Variants in UBE2D2 observed in about 807,000 individuals in gnomAD.
UBE2D2 encodes ubiquitin conjugating enzyme E2 D2.
A neutral mutation model predicts 24.2 loss-of-function variants in UBE2D2; 2 were observed. That is an observed-to-expected ratio of 0.08 (90% CI 0.03 to 0.26). The LOEUF (loss-of-function observed/expected upper bound fraction) is 0.26, where lower values mean the gene tolerates loss of function less well. UBE2D2 is among the 10% of genes least tolerant of loss of function. The pLI, the probability that UBE2D2 is intolerant of heterozygous loss-of-function variation, is 1.00. For missense variants in UBE2D2, 44 were observed against 177.6 expected (o/e 0.25, Z 4.28); for synonymous variants, 58 against 56.5 (o/e 1.03, Z -0.12).
chr5:139,562,061 C>A (rs969976575), intron 1 of UBE2D2: 1 of 823,990 alleles, frequency 1.2e-6, no homozygotes, highest in East Asian at 3.0e-5. Flanking sequence ...TCCAGGCCCG[C>A]ATGGTGTGGA....
chr5:139,591,146 A>G lies in UBE2D2; in HGVS notation c.25-9226A>G, dbSNP rs186414990. On this transcript the variant is annotated intron_variant, in intron 1 of 6. Coordinates refer to ENST00000398733, the MANE Select transcript of UBE2D2 (RefSeq NM_003339.3). ...TCTCTCTTTTTTTTTTTTAAGACGG[A>G]GTTTCGCTGTTGTTGCCCAGGCTGG... 3.2e-4 allele frequency among the ~76,000 whole-genome samples: 39 copies of G among 121,078 alleles called. 1 individual carries two copies. The highest frequency in any genetic ancestry group is 1.2e-3 in the African/African-American group (37 of 31,096). The allele number at this position is 121,078 out of a possible 152,430, so 79.4% of individuals were successfully genotyped here.
rs556195022 is a variant in UBE2D2 at position 139,577,966 on chromosome 5, G to A, written c.24+16151G>A. Among the ~76,000 whole-genome samples the A allele has an allele frequency of 1.8e-4, 28 of 152,284 alleles. No individual in the cohort carries two copies. In the East Asian group the frequency reaches 3.7e-3, roughly 20 times the overall value. ...TTCAGCTGGTGGAGGAGATCCTTGCGCAAATGCCAGGAAGGAAGCCCTTTT... is the reference window on the plus strand; with the variant it reads ...TTCAGCTGGTGGAGGAGATCCTTGCACAAATGCCAGGAAGGAAGCCCTTTT... On this transcript the variant is annotated intron_variant, in intron 1 of 6. Transcript: ENST00000398733.
intron 1 of UBE2D2, among the ~76,000 whole-genome samples, chr5:139,576,315 G>C (rs1228327210): frequency 6.6e-6 from 1 of 152,078 alleles, no homozygotes; most frequent in Non-Finnish European, 1.5e-5. Flanking sequence ...ATCCTTCCTT[G>C]CCTCTTCCAA....
At chr5:139,594,466 T>G (rs868609671) in intron 1 of UBE2D2, among the ~76,000 whole-genome samples, 1 of 152,076 alleles carries the variant, frequency 6.6e-6, no homozygotes, top group Non-Finnish European at 1.5e-5. Flanking sequence ...CAGGCTGGAG[T>G]GCAGTGGCAT....
At chr5:139,605,770 ACT>A (rs1332220539) in intron 2 of UBE2D2, among the ~76,000 whole-genome samples, 1 of 136,542 alleles carries the variant, frequency 7.3e-6, no homozygotes, top group Non-Finnish European at 1.5e-5. Flanking sequence ...GCAGGGGCTC[ACT>A]CTGTTGCCCA....
chr5:139,548,193 A>ATAAAAAAATAAAAAT (rs1752862435), intron 1 of UBE2D2, among the ~76,000 whole-genome samples: 2 of 47,108 alleles, frequency 4.2e-5, no homozygotes, highest in East Asian at 1.3e-3. Flanking sequence ...ATAAAAAAAA[A>ATAAAAAAATAAAAAT]AAATAAATAA....
chr5:139,613,214 G>A lies in UBE2D2; in HGVS notation c.89-1372G>A, dbSNP rs146692550. On this transcript the variant is annotated intron_variant, in intron 2 of 6. Coordinates refer to ENST00000398733, the MANE Select transcript of UBE2D2 (RefSeq NM_003339.3). ...CTTTAGGGATTAATTTGATATTAAG[G>A]AGGTTGGAAGGAACTTTAGGATTTG... 4.0e-3 allele frequency among the ~76,000 whole-genome samples: 602 copies of A among 152,296 alleles called. 2 individuals are homozygous for A. Among genetic ancestry groups the A allele is most frequent in the African/African-American group, 0.014 (572 of 41,564 alleles).
intron 1 of UBE2D2, among the ~76,000 whole-genome samples, chr5:139,587,717 A>G (rs972825618): frequency 6.6e-6 from 1 of 150,832 alleles, no homozygotes; most frequent in Admixed American, 6.6e-5. Context: ...GTGCGGTTGC[A>G]AGATTTAATA....
intron 1 of UBE2D2, among the ~76,000 whole-genome samples, chr5:139,534,007 T>C (rs1289758268): frequency 6.6e-6 from 1 of 151,554 alleles, no homozygotes; most frequent in Non-Finnish European, 1.5e-5. Context: ...GGTCTTGAAC[T>C]CTTGACCTTG....
intron 2 of UBE2D2, among the ~76,000 whole-genome samples, chr5:139,604,170 C>T (rs543333850): frequency 1.4e-5 from 2 of 145,756 alleles, no homozygotes; most frequent in African/African-American, 2.5e-5. Context: ...GACGGAATCT[C>T]GCTTTTGTCA....
chr5:139,562,299 T>G, intron 1 of UBE2D2: 1 of 1,351,582 alleles, frequency 7.4e-7, no homozygotes, highest in South Asian at 1.1e-5. Flanking sequence ...TTTTGCCCGA[T>G]CCACAAGTAT....
At chr5:139,541,599 C>CAAAAAAAAAAAAAAAAAAA (rs892398676) in intron 1 of UBE2D2, among the ~76,000 whole-genome samples, 1 of 58,438 alleles carries the variant, frequency 1.7e-5, no homozygotes, top group African/African-American at 7.0e-5. Flanking sequence ...GACTCCATTT[C>CAAAAAAAAAAAAAAAAAAA]AAAAAAAAAA....
chr5:139,567,604 G>A (rs1038567087), intron 1 of UBE2D2, among the ~76,000 whole-genome samples: 2 of 148,958 alleles, frequency 1.3e-5, no homozygotes, highest in Non-Finnish European at 3.0e-5. Context: ...CACAATCTCG[G>A]CTCACTGCAA....
At chr5:139,579,353 G>A (rs1413199328) in intron 1 of UBE2D2, among the ~76,000 whole-genome samples, 1 of 152,158 alleles carries the variant, frequency 6.6e-6, no homozygotes, top group African/African-American at 2.4e-5. Context: ...CTCCATGTTG[G>A]TCAGGCTGGT....
chr5:139,563,558 A>G (rs1197351766), intron 1 of UBE2D2, among the ~76,000 whole-genome samples: 1 of 152,216 alleles, frequency 6.6e-6, no homozygotes, highest in Non-Finnish European at 1.5e-5. Flanking sequence ...GAAGTTATCA[A>G]ATACCTGTAG....
At chr5:139,551,156 C>A (rs1194443506) in intron 1 of UBE2D2, among the ~76,000 whole-genome samples, 1 of 151,946 alleles carries the variant, frequency 6.6e-6, no homozygotes, top group Non-Finnish European at 1.5e-5. Context: ...ACCAGCCTGG[C>A]CAATATAGTG....
chr5:139,624,358 G>GTTTTTTTTTTTTTTTTT (rs1754572746), intron 6 of UBE2D2, among the ~76,000 whole-genome samples: 2 of 152,050 alleles, frequency 1.3e-5, no homozygotes, highest in Non-Finnish European at 2.9e-5. Flanking sequence ...TGTTGCCTGG[G>GTTTTTTTTTTTTTTTTT]TTGGTCTCAA....
At position 139,611,175 on chromosome 5, in the gene UBE2D2, C is replaced by CTTTTTTTT. The variant is rs60626896; in HGVS notation, c.89-3390_89-3383dup. ...TAGTTCTAGATGACAAGTTTTCCTT[C>CTTTTTTTT]TTTTTTTTTTTTTTTTTTTTTTTTT... is the stretch of plus-strand genomic sequence containing the variant. On this transcript the variant is annotated intron_variant, in intron 2 of 6. Coordinates refer to ENST00000398733, the MANE Select transcript of UBE2D2 (RefSeq NM_003339.3). 3.1e-4 allele frequency among the ~76,000 whole-genome samples: 18 copies of CTTTTTTTT among 58,790 alleles called. 1 individual carries two copies. The highest frequency in any genetic ancestry group is 1.1e-3 in the African/African-American group (17 of 14,912). 38.6% of individuals were successfully genotyped at this position (58,790 alleles called of 152,430 possible).
At chr5:139,549,390 G>C (rs1752875377) in intron 1 of UBE2D2, among the ~76,000 whole-genome samples, 1 of 152,202 alleles carries the variant, frequency 6.6e-6, no homozygotes, top group Non-Finnish European at 1.5e-5. Context: ...GCACTCGAGG[G>C]CCAGCGCGAG....
Sources: gnomAD v4.1 joint callset for allele counts (sites outside exome capture counted in the v4.1 genomes callset) on GRCh38, gnomAD v4.1.1 for gene constraint, MANE v1.5 for transcripts, NCBI Gene and HGNC (gene_info 2026-07-23, HGNC 2026-07-21) for gene names.